DAB1: variants seen among roughly 807,000 people sequenced by gnomAD.
DAB1 encodes disabled homolog 1.
A neutral mutation model predicts 64.6 loss-of-function variants in DAB1; 15 were observed. The observed-to-expected ratio is 0.23, with a 90% CI of 0.16 to 0.36. DAB1 has a LOEUF of 0.36. Among genes scored for constraint, DAB1 ranks in the 10% least tolerant of loss-of-function variants. The probability of loss-of-function intolerance (pLI) is 1.00; values close to 1 mark genes in which losing one functional copy is unlikely to be tolerated. For missense variants in DAB1, 596 were observed against 706.7 expected (o/e 0.84, Z 1.78); for synonymous variants, 235 against 251.9 (o/e 0.93, Z 0.64).
intron 5 of DAB1, among the ~76,000 whole-genome samples, chr1:57,998,234 G>A (rs539622299): frequency 7.9e-5 from 12 of 152,282 alleles, no homozygotes; most frequent in South Asian, 4.1e-4. Flanking sequence ...CTAGCCTTGT[G>A]CATGACCTTG....
intron 7 of DAB1, among the ~76,000 whole-genome samples, chr1:57,536,908 G>C (rs1267059434): frequency 6.6e-6 from 1 of 152,258 alleles, no homozygotes; most frequent in Non-Finnish European, 1.5e-5. Context: ...TGCCATGTCA[G>C]GCCTGGCACC....
intron 1 of DAB1, among the ~76,000 whole-genome samples, chr1:57,374,898 G>C (rs563406445): frequency 6.6e-6 from 1 of 152,296 alleles, no homozygotes; most frequent in Non-Finnish European, 1.5e-5. Context: ...GAGCAGGAAG[G>C]CTGAAAGTCC....
chr1:57,752,651 G>C (rs1419199121), intron 6 of DAB1, among the ~76,000 whole-genome samples: 3 of 152,210 alleles, frequency 2.0e-5, no homozygotes, highest in Non-Finnish European at 4.4e-5. Flanking sequence ...CTGGTGGTGT[G>C]AAAAGCATTA....
intron 1 of DAB1, among the ~76,000 whole-genome samples, chr1:57,307,720 C>G (rs902218135): frequency 9.9e-5 from 15 of 152,082 alleles, no homozygotes; most frequent in African/African-American, 3.4e-4. Context: ...GACTACACCC[C>G]CTTTCGTATC....
intron 9 of DAB1, among the ~76,000 whole-genome samples, chr1:57,027,590 A>G (rs1646834243): frequency 6.6e-6 from 1 of 152,178 alleles, no homozygotes; most frequent in Non-Finnish European, 1.5e-5. Context: ...ACCACTTTCA[A>G]TATCTGCAAC....
At chr1:58,453,532 A>T (rs1215796014) in intron 3 of DAB1, among the ~76,000 whole-genome samples, 1 of 152,050 alleles carries the variant, frequency 6.6e-6, no homozygotes, top group African/African-American at 2.4e-5. Context: ...GCCTCTCGAA[A>T]TTCCTCTCCT....
intron 4 of DAB1, among the ~76,000 whole-genome samples, chr1:58,154,402 C>A (rs1410460733): frequency 1.3e-5 from 2 of 152,120 alleles, no homozygotes; most frequent in Non-Finnish European, 2.9e-5. Flanking sequence ...GAAAAATGCA[C>A]CACCAGATCA....
intron 3 of DAB1, among the ~76,000 whole-genome samples, chr1:58,479,613 G>GA (rs1157552900): frequency 6.6e-6 from 1 of 152,114 alleles, no homozygotes; most frequent in Non-Finnish European, 1.5e-5. Context: ...TCAACCTACA[G>GA]AAAACACAAG....
intron 3 of DAB1, among the ~76,000 whole-genome samples, chr1:58,378,975 G>T (rs1371164041): frequency 7.4e-6 from 1 of 134,990 alleles, no homozygotes; most frequent in Non-Finnish European, 1.6e-5. Context: ...TCTTTGACTC[G>T]GAAAGGGAAC....
At position 58,484,664 on chromosome 1, in the gene DAB1, C is replaced by G. The variant is rs186725010; in HGVS notation, n.257+21396G>C. On this transcript the variant is annotated intron_variant and non_coding_transcript_variant, in intron 3 of 20. Transcript: ENST00000485760. Reference sequence around the variant, plus strand: ...TTATTTGCTAAAACTTGGAAATAACCAAGATTTCCTTCGATAGGTGAATGG... The same window carrying G: ...TTATTTGCTAAAACTTGGAAATAACGAAGATTTCCTTCGATAGGTGAATGG... Among the ~76,000 whole-genome samples the G allele has an allele frequency of 3.3e-4, 50 of 152,160 alleles. No homozygotes were observed. The Middle Eastern group carries it at 0.01, about 31-fold the overall frequency.
rs186847661 is a variant in DAB1 at position 57,841,599 on chromosome 1, G to A, written n.88-15144C>T. Among the ~76,000 whole-genome samples, 814 of 152,338 alleles carry A rather than the reference G, an allele frequency of 5.3e-3. 6 individuals are homozygous for A. Among genetic ancestry groups the A allele is most frequent in the Non-Finnish European group, 9.9e-3 (673 of 68,024 alleles). ...CCTAACACCACATGGAAGCCACCAA[G>A]GCTTGGGGCTTGCACCCTCTGAATC... On this transcript the variant is annotated intron_variant and non_coding_transcript_variant, in intron 1 of 1. Transcript: ENST00000477280.
intron 8 of DAB1, among the ~76,000 whole-genome samples, chr1:57,063,573 CT>C (rs1650617705): frequency 6.6e-6 from 1 of 152,190 alleles, no homozygotes; most frequent in African/African-American, 2.4e-5. Context: ...ACTCATCCAT[CT>C]GGTCTCACTG....
chr1:58,342,624 A>C (rs1643952986), intron 4 of DAB1, among the ~76,000 whole-genome samples: 2 of 152,158 alleles, frequency 1.3e-5, no homozygotes, highest in Admixed American at 1.3e-4. Flanking sequence ...CAATGTACCA[A>C]AGCTGAATTC....
chr1:58,345,278 T>C (rs1483813380), intron 3 of DAB1, among the ~76,000 whole-genome samples: 2 of 152,144 alleles, frequency 1.3e-5, no homozygotes, highest in Non-Finnish European at 2.9e-5. Context: ...AACTGCAAGC[T>C]CATTTTTTCT....
At chr1:57,264,123 G>A (rs1467802006) in intron 2 of DAB1, among the ~76,000 whole-genome samples, 1 of 152,118 alleles carries the variant, frequency 6.6e-6, no homozygotes, top group Admixed American at 6.5e-5. Context: ...CCTCAACCCA[G>A]CTTCCCAAAC....
At chr1:57,127,964 A>G (rs1247799521) in intron 4 of DAB1, among the ~76,000 whole-genome samples, 1 of 152,004 alleles carries the variant, frequency 6.6e-6, no homozygotes, top group Non-Finnish European at 1.5e-5. Context: ...ACTAGCCAAC[A>G]TGGTGAAATC....
intron 3 of DAB1, among the ~76,000 whole-genome samples, chr1:58,357,026 CAAAAA>C (rs3990929): frequency 1.2e-5 from 1 of 86,130 alleles, no homozygotes; most frequent in Admixed American, 1.3e-4. Context: ...ACCCTGTCTC[CAAAAA>C]AAAAAAAAAA....
At chr1:57,118,395 T>G (rs1656334978) in intron 4 of DAB1, among the ~76,000 whole-genome samples, 1 of 152,176 alleles carries the variant, frequency 6.6e-6, no homozygotes, top group Non-Finnish European at 1.5e-5. Flanking sequence ...AGACACAACA[T>G]ATACTAGCAT....
At chr1:57,705,859 C>T (rs560054020) in intron 6 of DAB1, among the ~76,000 whole-genome samples, 151 of 143,072 alleles carry the variant, frequency 1.1e-3, no homozygotes, top group Non-Finnish European at 1.9e-3. Flanking sequence ...ACTAATGAAT[C>T]AATACAATAC....
Sources: gnomAD v4.1 joint callset for allele counts (sites outside exome capture counted in the v4.1 genomes callset) on GRCh38, gnomAD v4.1.1 for gene constraint, MANE v1.5 for transcripts, NCBI Gene and HGNC (gene_info 2026-07-23, HGNC 2026-07-21) for gene names.